Variants in LRRC4C observed in about 807,000 individuals in gnomAD.
LRRC4C encodes the protein leucine rich repeat containing 4C, also known as leucine-rich repeat-containing protein 4C.
LRRC4C carries 5 observed loss-of-function variants against 33.6 expected under a neutral mutation model. The ratio of observed to expected loss-of-function variants is 0.15; its 90% CI spans 0.08 to 0.31. LRRC4C has a LOEUF of 0.31. Ranked by LOEUF, LRRC4C falls within the 10% of genes least tolerant of loss-of-function variation. The pLI is 1.00. For synonymous variants in LRRC4C, 329 were observed against 302.0 expected, an observed-to-expected ratio of 1.09 and a Z score of -0.93; for missense variants, 560 against 796.7, an observed-to-expected ratio of 0.70 and a Z score of 3.58.
intron 2 of LRRC4C, among the ~76,000 whole-genome samples, chr11:40,711,334 G>A (rs1017075649): frequency 1.2e-4 from 19 of 152,076 alleles, no homozygotes; most frequent in Non-Finnish European, 2.4e-4. Context: ...GGAATGGACC[G>A]AACCTCAGAT....
At chr11:40,579,540 A>T (rs1958371031) in intron 3 of LRRC4C, among the ~76,000 whole-genome samples, 1 of 152,198 alleles carries the variant, frequency 6.6e-6, no homozygotes. Context: ...TAAAAAGCCT[A>T]TGACTTTTAG....
chr11:41,230,799 C>T (rs377582557), intron 1 of LRRC4C, among the ~76,000 whole-genome samples: 2 of 150,990 alleles, frequency 1.3e-5, no homozygotes, highest in Non-Finnish European at 3.0e-5. Flanking sequence ...CAAAAGAAAC[C>T]ACCATCAGAG....
At chr11:41,379,707 T>C (rs956227963) in intron 1 of LRRC4C, among the ~76,000 whole-genome samples, 9 of 152,080 alleles carry the variant, frequency 5.9e-5, no homozygotes, top group African/African-American at 2.2e-4. Context: ...TTGATGTTCC[T>C]GCCTCAGTGT....
chr11:40,540,473 C>G (rs1026683532), intron 3 of LRRC4C, among the ~76,000 whole-genome samples: 7 of 152,082 alleles, frequency 4.6e-5, no homozygotes, highest in Non-Finnish European at 8.8e-5. Context: ...TCTTCTTTGT[C>G]AGGAGTATTG....
chr11:40,234,173 T>A (rs1304631404), intron 5 of LRRC4C, among the ~76,000 whole-genome samples: 2 of 152,208 alleles, frequency 1.3e-5, no homozygotes, highest in African/African-American at 4.8e-5. Flanking sequence ...CATACTTTGT[T>A]TAACCAAAGT....
chr11:40,428,704 A>AT (rs1451301872), intron 3 of LRRC4C, among the ~76,000 whole-genome samples: 1 of 152,240 alleles, frequency 6.6e-6, no homozygotes, highest in Non-Finnish European at 1.5e-5. Context: ...TATGAACAGC[A>AT]TTCCTCACTC....
intron 2 of LRRC4C, among the ~76,000 whole-genome samples, chr11:40,651,532 T>C (rs555808354): frequency 7.9e-5 from 12 of 152,290 alleles, no homozygotes; most frequent in African/African-American, 2.9e-4. Flanking sequence ...TAATAAAGTA[T>C]CCATCTATTG....
chr11:41,226,741 TACACACACACACAC>T (rs59285418), intron 1 of LRRC4C, among the ~76,000 whole-genome samples: 1 of 137,082 alleles, frequency 7.3e-6, no homozygotes. Flanking sequence ...TCCTTACCAT[TACACACACACACAC>T]ACACACACAC....
At chr11:40,356,609 G>A (rs1947683726) in intron 3 of LRRC4C, among the ~76,000 whole-genome samples, 1 of 152,052 alleles carries the variant, frequency 6.6e-6, no homozygotes, top group Non-Finnish European at 1.5e-5. Flanking sequence ...GAACCTATGA[G>A]GAATTTGACT....
intron 1 of LRRC4C, among the ~76,000 whole-genome samples, chr11:41,340,923 A>G (rs536592385): frequency 6.6e-6 from 1 of 152,362 alleles, no homozygotes; most frequent in African/African-American, 2.4e-5. Context: ...TGAGGATTCC[A>G]GAAGAAAGGC....
chr11:41,130,191 T>C (rs968131461), intron 1 of LRRC4C, among the ~76,000 whole-genome samples: 1 of 151,976 alleles, frequency 6.6e-6, no homozygotes, highest in Non-Finnish European at 1.5e-5. Context: ...CTGTACAGTA[T>C]TTTAATCCTA....
intron 3 of LRRC4C, among the ~76,000 whole-genome samples, chr11:40,539,147 C>T (rs1246621359): frequency 1.3e-5 from 2 of 152,192 alleles, no homozygotes; most frequent in East Asian, 3.9e-4. Flanking sequence ...CTAATGTGAC[C>T]CAAATTAATC....
Position 41,218,273 on chromosome 11 carries a change from AACTTACTTT to A in LRRC4C, c.-496+241149_-496+241157del, listed in dbSNP as rs1947149883. The stretch of plus-strand genomic sequence containing the variant: ...GTGAACAATCCTTGTCAGTATGTTC[AACTTACTTT>A]ACTTAAGAATCATATAGAAAGTGAT... On this transcript the variant is annotated intron_variant, in intron 1 of 6. Coordinates refer to ENST00000528697, the MANE Select transcript of LRRC4C (RefSeq NM_001258419.2). Among the ~76,000 whole-genome samples the A allele has an allele frequency of 3.3e-5, 5 of 152,324 alleles. No individual in the cohort carries two copies. In the South Asian group the frequency reaches 1.0e-3, roughly 32 times the overall value.
intron 2 of LRRC4C, among the ~76,000 whole-genome samples, chr11:40,805,179 C>T (rs182328286): frequency 6.6e-6 from 1 of 152,288 alleles, no homozygotes; most frequent in African/African-American, 2.4e-5. Context: ...ACCTAACTTA[C>T]TCCCTTGAGA....
intron 1 of LRRC4C, among the ~76,000 whole-genome samples, chr11:40,942,534 G>A (rs964496116): frequency 3.9e-5 from 6 of 152,282 alleles, no homozygotes; most frequent in Non-Finnish European, 7.3e-5. Context: ...GGTGAGTGTG[G>A]GGGCGTTGCA....
intron 1 of LRRC4C, among the ~76,000 whole-genome samples, chr11:41,432,646 G>A (rs7924349): frequency 0.56 from 84,237 of 151,626 alleles, 23,839 homozygotes; most frequent in Non-Finnish European, 0.6. Context: ...GAAATGCACA[G>A]CAAACATACA....
intron 1 of LRRC4C, among the ~76,000 whole-genome samples, chr11:41,299,498 C>T (rs1950229206): frequency 6.6e-6 from 1 of 151,978 alleles, no homozygotes; most frequent in African/African-American, 2.4e-5. Flanking sequence ...TTTCTATATC[C>T]AGTTATCAAT....
rs1013265915 is a variant in LRRC4C, at chr11:40,825,867, GA to G, written c.-407+107767del. On this transcript the variant is annotated intron_variant, in intron 2 of 6. Transcript: ENST00000528697. ...AGCCAGTTGTATATTCTTTTCGTAA[GA>G]AAAAAAAAAGAAAAAAATTTAAACA... 5.1e-4 allele frequency among the ~76,000 whole-genome samples: 65 copies of G among 128,282 alleles called. 1 individual carries two copies. The East Asian group carries it at 0.01, about 20-fold the overall frequency. The allele number at this position is 128,282 out of a possible 152,430, so 84.2% of individuals were successfully genotyped here.
chr11:40,524,866 AT>A (rs1486058773), intron 3 of LRRC4C, among the ~76,000 whole-genome samples: 1 of 152,202 alleles, frequency 6.6e-6, no homozygotes, highest in Admixed American at 6.5e-5. Flanking sequence ...TGCAAAGACA[AT>A]CATAAACTTC....
Sources: allele counts gnomAD v4.1 joint callset (sites outside exome capture counted in the v4.1 genomes callset), GRCh38; gene constraint gnomAD v4.1.1; transcripts MANE v1.5; gene names NCBI Gene and HGNC (gene_info 2026-07-23, HGNC 2026-07-21).